The following PPOX variants were observed in gnomAD, a reference collection of about 807,000 sequenced individuals.
The protein encoded by PPOX is variegate porphyria.
Under a neutral mutation model 54.1 loss-of-function variants are expected in PPOX, and 23 were observed. The observed-to-expected ratio is 0.43, with a 90% CI of 0.31 to 0.60. PPOX has a LOEUF of 0.60. PPOX is among the 20% of genes least tolerant of loss of function. The probability of loss-of-function intolerance (pLI) is 0.13; values close to 1 mark genes in which losing one functional copy is unlikely to be tolerated. For synonymous variants in PPOX, 224 were observed against 236.1 expected, an observed-to-expected ratio of 0.95 and a Z score of 0.47; for missense variants, 512 against 601.1, an observed-to-expected ratio of 0.85 and a Z score of 1.55.
At chr1:161,168,680 C>T (rs192309899) in intron 6 of PPOX, 104 bp downstream of exon 6, 867 of 1,451,856 alleles carry the variant, frequency 6.0e-4, no homozygotes, top group Non-Finnish European at 7.2e-4. Context: ...TTTTTTGAGA[C>T]GGAGTCTTGC....
At chr1:161,171,519 G>A, downstream of PPOX, 1 of 579,568 alleles carries the variant, frequency 1.7e-6, no homozygotes, top group South Asian at 2.1e-5. Flanking sequence ...AGAGGGAGGG[G>A]CTTGGGGTCC....
chr1:161,175,719 C>T (rs1663248070), downstream of PPOX: 1 of 1,549,282 alleles, frequency 6.5e-7, no homozygotes, highest in Non-Finnish European at 8.7e-7. Context: ...CTAAGTTCCA[C>T]TTCTGCCACT....
chr1:161,167,897 C>T (rs1242147496), intron 4 of PPOX, 98 bp from the exon 5 acceptor site: 4 of 1,586,540 alleles, frequency 2.5e-6, no homozygotes, highest in Non-Finnish European at 3.5e-6. Context: ...GTCAGCCTTC[C>T]CAGCAAAAGG....
upstream of PPOX, chr1:161,165,791 G>T: frequency 5.1e-6 from 1 of 197,628 alleles, no homozygotes. Flanking sequence ...GTCTTCTTGG[G>T]ACCCAAGTTC....
At chr1:161,177,281 G>A, downstream of PPOX, 1 of 581,538 alleles carries the variant, frequency 1.7e-6, no homozygotes, top group Middle Eastern at 4.6e-4. Flanking sequence ...ACGTGAGCCC[G>A]CCCGGCCCCC....
At chr1:161,169,794 C>T in intron 8 of PPOX, 74 bp downstream of exon 8, 2 of 1,613,408 alleles carry the variant, frequency 1.2e-6, no homozygotes, top group South Asian at 2.2e-5. Flanking sequence ...CCTGGGTCAG[C>T]AGGACCACAC....
rs375024433 is a variant in PPOX, at chr1:161,169,706, C to T, written c.854C>T (p.Ala285Val). The part of the protein sequence containing the change: ...SSLEADHVIS[A>V]IPASVLSELL... ...CTGGAGGCTGACCACGTTATTAGTGCCATTCCAGCTTCAGGTAATGGAATA... is the reference window on the plus strand; with the variant it reads ...CTGGAGGCTGACCACGTTATTAGTGTCATTCCAGCTTCAGGTAATGGAATA... The change falls in exon 8 of 13, where the codon GCC becomes GTC. Residue 285 changes from alanine (A) to valine (V), a missense_variant. Coordinates refer to ENST00000367999, the MANE Select transcript of PPOX (RefSeq NM_001122764.3). The T allele has an allele frequency of 1.2e-6, 2 of 1,614,086 alleles. No homozygotes were observed. The highest frequency in any genetic ancestry group is 2.7e-5 in the African/African-American group (2 of 74,938).
downstream of PPOX, chr1:161,173,607 G>C: frequency 6.2e-7 from 1 of 1,613,866 alleles, no homozygotes; most frequent in Non-Finnish European, 8.5e-7. Flanking sequence ...AGTCTGACCT[G>C]GTAGCAATGT....
At chr1:161,169,473 C>A in intron 7 of PPOX, 187 bp from the exon 8 acceptor site, 1 of 739,510 alleles carries the variant, frequency 1.4e-6, no homozygotes, top group Middle Eastern at 3.7e-4. Context: ...TGGTCCACTT[C>A]CTGGAGTACA....
In PPOX at chr1:161,167,058, G is replaced by A. The variant is rs1659228466; in HGVS notation, c.88-42G>A. 6 of 1,614,002 alleles carry A rather than the reference G, an allele frequency of 3.7e-6. No homozygotes were observed. The South Asian group carries it at 5.5e-5, about 15-fold the overall frequency. ...CCTCCCCTCCTGACCTCTCGCCGGC[G>A]GCTACAGGCGGTGCTGCAGTGTCTC... On this transcript the variant is annotated intron_variant, in intron 2 of 12. Transcript: ENST00000367999.
chr1:161,168,696 T>A, intron 6 of PPOX, 120 bp downstream of exon 6: 2 of 1,350,606 alleles, frequency 1.5e-6, no homozygotes, highest in Non-Finnish European at 2.0e-6. Context: ...CTTGCTCTGC[T>A]GCCTAGGCTG....
rs1045780481 is a variant in PPOX, at chr1:161,176,677, G to A, written c.373-172G>A. The A allele has an allele frequency of 2.1e-5, 13 of 606,654 alleles. 1 individual carries two copies. In the Admixed American group the frequency reaches 2.3e-4, roughly 11 times the overall value. 37.6% of individuals were successfully genotyped at this position (606,654 alleles called of 1,614,324 possible). On this transcript the variant is annotated intron_variant, in intron 4 of 4. Coordinates refer to the PPOX transcript ENST00000497522. ...CCCAGCAGGCGAAGTGAAGGAAAGT[G>A]GTTGGAAAGGAAGAGGAGGAGCAGG...
At chr1:161,173,781 A>G, downstream of PPOX, 2 of 1,611,990 alleles carry the variant, frequency 1.2e-6, no homozygotes, top group South Asian at 2.2e-5. Context: ...CACATCCCCA[A>G]CCACAATCCG....
At chr1:161,174,083 T>C (rs1372271992), downstream of PPOX, 1 of 1,600,988 alleles carries the variant, frequency 6.2e-7, no homozygotes, top group Admixed American at 1.7e-5. Context: ...AGACTATGTC[T>C]GTAGGTGGCA....
rs1659926795 is a variant in PPOX, at chr1:161,168,515, C to T, written c.555C>T (p.Pro185=). ...SRELSIRSCF[P]SLFQAEQTHR... is the part of the protein sequence containing the mutation. ...AGCTCAGCATCAGGTCCTGCTTTCCCAGTCTCTTCCAAGCTGAGCAAACCC... is the reference window on the plus strand; with the variant it reads ...AGCTCAGCATCAGGTCCTGCTTTCCTAGTCTCTTCCAAGCTGAGCAAACCC... The change falls in exon 6 of 13, where the codon CCC becomes CCT. Residue 185 remains proline, a synonymous_variant. Coordinates refer to ENST00000367999, the MANE Select transcript of PPOX (RefSeq NM_001122764.3). The T allele has an allele frequency of 1.9e-6, 3 of 1,614,058 alleles. No homozygotes were observed. Among genetic ancestry groups the T allele is most frequent in the Admixed American group, 1.7e-5 (1 of 60,010 alleles).
intron 4 of PPOX, chr1:161,167,695 G>A: frequency 1.3e-6 from 1 of 770,814 alleles, no homozygotes; most frequent in Non-Finnish European, 2.0e-6. Context: ...CTCCCGAGTA[G>A]CTGGGACTAC....
intron 10 of PPOX, 21 bp downstream of exon 10, chr1:161,170,540 C>T (rs1401255495): frequency 6.2e-7 from 1 of 1,614,020 alleles, no homozygotes; most frequent in Non-Finnish European, 8.5e-7. Flanking sequence ...GGAAACTTTG[C>T]CTAGTGGCAT....
Position 161,168,982 on chromosome 1 carries a change from T to C in PPOX, c.617-11T>C. On this transcript the variant is annotated splice_polypyrimidine_tract_variant and intron_variant, in intron 6 of 12. Coordinates refer to ENST00000367999, the MANE Select transcript of PPOX (RefSeq NM_001122764.3). ...TCCAGCCTCAATGATTCTTCTTTGC[T>C]TCCTCTGCAGGGCGGACCCCACAGC... The C allele has an allele frequency of 1.9e-6, 3 of 1,613,550 alleles. No homozygotes were observed. Among genetic ancestry groups the C allele is most frequent in the African/African-American group, 1.3e-5 (1 of 75,048 alleles).
chr1:161,168,514 C>T lies in PPOX; in HGVS notation c.554C>T (p.Pro185Leu), dbSNP rs772457403. The change falls in exon 6 of 13, where the codon CCC (proline) becomes CTC (leucine). Residue 185 changes from proline to leucine, a missense_variant. Transcript: ENST00000367999. The stretch of plus-strand genomic sequence containing the variant: ...GAGCTCAGCATCAGGTCCTGCTTTC[C>T]CAGTCTCTTCCAAGCTGAGCAAACC... ...SRELSIRSCF[P>L]SLFQAEQTHR... The T allele has an allele frequency of 6.2e-7, 1 of 1,614,150 alleles. No homozygotes were observed. The highest frequency in any genetic ancestry group is 8.5e-7 in the Non-Finnish European group (1 of 1,180,038).
Sources: allele counts gnomAD v4.1 joint callset, GRCh38; gene constraint gnomAD v4.1.1; transcripts MANE v1.5; gene names NCBI Gene and HGNC (gene_info 2026-07-23, HGNC 2026-07-21).